The following CSMD1 variants were observed in gnomAD, a reference collection of about 807,000 sequenced individuals.
CSMD1 encodes the protein CUB and Sushi multiple domains 1.
In CSMD1, 213 loss-of-function variants were observed where a neutral mutation model predicts 417.5. That is an observed-to-expected ratio of 0.51 (90% CI 0.46 to 0.57). The LOEUF is 0.57. CSMD1 is among the 20% of genes least tolerant of loss of function. CSMD1 has a pLI of 0.00. For synonymous variants in CSMD1, 2,862 were observed against 1,736.8 expected (o/e 1.65, Z -16.11); for missense variants, 6,923 against 4,529.7 (o/e 1.53, Z -15.17).
intron 1 of CSMD1, among the ~76,000 whole-genome samples, chr8:4,815,527 C>G: frequency 6.6e-6 from 1 of 151,504 alleles, no homozygotes; most frequent in East Asian, 2.0e-4. Flanking sequence ...GAAACCCCAT[C>G]TCTACTGAAA....
chr8:3,951,299 C>T (rs571283011), intron 5 of CSMD1, among the ~76,000 whole-genome samples: 1 of 152,302 alleles, frequency 6.6e-6, no homozygotes, highest in East Asian at 1.9e-4. Context: ...TTTGTGTCTT[C>T]CATGGCACCT....
intron 9 of CSMD1, among the ~76,000 whole-genome samples, chr8:3,576,568 T>G (rs1364979728): frequency 1.3e-5 from 2 of 152,218 alleles, no homozygotes; most frequent in African/African-American, 4.8e-5. Flanking sequence ...CATTGATAAG[T>G]GTGTTAAAAT....
chr8:3,143,831 T>C (rs749986711), intron 40 of CSMD1, among the ~76,000 whole-genome samples: 7 of 152,148 alleles, frequency 4.6e-5, no homozygotes, highest in Non-Finnish European at 8.8e-5. Context: ...TCCTACTTCA[T>C]TGGAAGTGCA....
At chr8:3,896,618 TCTC>T (rs1225014826) in intron 5 of CSMD1, among the ~76,000 whole-genome samples, 7 of 151,918 alleles carry the variant, frequency 4.6e-5, no homozygotes, top group Non-Finnish European at 1.0e-4. Flanking sequence ...TTCACGCCAT[TCTC>T]CTGCCTCAGC....
In CSMD1 at chr8:4,913,735, A is replaced by G. The variant is rs77747248; in HGVS notation, c.85+80597T>C. Among the ~76,000 whole-genome samples the G allele has an allele frequency of 2.0e-3, 306 of 152,316 alleles. 9 individuals carry two copies. In the East Asian group the frequency reaches 0.025, roughly 13 times the overall value. On this transcript the variant is annotated intron_variant, in intron 1 of 69. Transcript: ENST00000635120. Reference sequence around the variant, plus strand: ...TAGGAAGAACCATTGACAAATCTGCAAGCGAGGGAGTTGTCCATGTGTTAC... The same window carrying G: ...TAGGAAGAACCATTGACAAATCTGCGAGCGAGGGAGTTGTCCATGTGTTAC...
intron 1 of CSMD1, among the ~76,000 whole-genome samples, chr8:4,947,151 AT>A (rs1808423412): frequency 6.6e-6 from 1 of 152,204 alleles, no homozygotes; most frequent in African/African-American, 2.4e-5. Context: ...TTTAACACAA[AT>A]TCACAACAAA....
intron 5 of CSMD1, among the ~76,000 whole-genome samples, chr8:3,923,623 G>A (rs964938586): frequency 3.3e-5 from 5 of 152,186 alleles, no homozygotes; most frequent in African/African-American, 9.6e-5. Flanking sequence ...TTGTGGTTCA[G>A]TAATTTTAAC....
At chr8:4,291,527 T>G (rs1009745685) in intron 3 of CSMD1, among the ~76,000 whole-genome samples, 1 of 152,184 alleles carries the variant, frequency 6.6e-6, no homozygotes, top group Non-Finnish European at 1.5e-5. Context: ...GAAAGTACAT[T>G]TTGATTTACA....
At chr8:2,952,935 A>C (rs1283031695) in intron 65 of CSMD1, among the ~76,000 whole-genome samples, 1 of 152,218 alleles carries the variant, frequency 6.6e-6, no homozygotes, top group Non-Finnish European at 1.5e-5. Flanking sequence ...AGTACAATGC[A>C]GCAGCCACAT....
At chr8:3,968,728 A>G (rs1323416213) in intron 5 of CSMD1, among the ~76,000 whole-genome samples, 1 of 152,176 alleles carries the variant, frequency 6.6e-6, no homozygotes, top group Non-Finnish European at 1.5e-5. Flanking sequence ...CTAATGTGTA[A>G]ATAGCATTTA....
intron 7 of CSMD1, among the ~76,000 whole-genome samples, chr8:3,621,285 T>C (rs539145251): frequency 2.0e-5 from 3 of 152,004 alleles, no homozygotes; most frequent in African/African-American, 4.8e-5. Context: ...GCAGGAGGCG[T>C]TGAATAGTAA....
chr8:2,968,236 G>C (rs1804141999), intron 57 of CSMD1, among the ~76,000 whole-genome samples: 2 of 152,226 alleles, frequency 1.3e-5, no homozygotes, highest in South Asian at 4.1e-4. Flanking sequence ...CTGTGCAACA[G>C]GTACTGTGTG....
Position 3,142,503 on chromosome 8 carries a change from T to A in CSMD1, c.6203A>T (p.His2068Leu), listed in dbSNP as rs779429099. ...HETLIHFYSD[H>L]SQNRQGFKLA... ...TTTAAATCCTTGCCGGTTTTGCGAA[T>A]GGTCACTATAAAAGTGGATGAGGGT... Residue 2068 changes from histidine to leucine, a missense_variant, in exon 41 of 70, where the codon CAT becomes CTT. Transcript: ENST00000635120. 6.2e-7 allele frequency: 1 copy of A among 1,614,008 alleles called. No individual in the cohort carries two copies.
chr8:4,200,636 T>C (rs548109506), intron 3 of CSMD1, among the ~76,000 whole-genome samples: 1 of 152,230 alleles, frequency 6.6e-6, no homozygotes, highest in Admixed American at 6.5e-5. Flanking sequence ...TGGGAGGATT[T>C]CTTGAGACTA....
intron 3 of CSMD1, among the ~76,000 whole-genome samples, chr8:4,238,432 T>C (rs1386242079): frequency 1.3e-5 from 2 of 152,136 alleles, no homozygotes; most frequent in Admixed American, 6.5e-5. Context: ...CACAAATCAA[T>C]ACTGTGATTC....
chr8:4,512,041 A>G (rs923123767), intron 2 of CSMD1, among the ~76,000 whole-genome samples: 3 of 152,214 alleles, frequency 2.0e-5, no homozygotes, highest in Non-Finnish European at 4.4e-5. Flanking sequence ...AAAATCCTCA[A>G]CAAAATATTA....
At chr8:4,647,688 G>C (rs1273458531) in intron 1 of CSMD1, among the ~76,000 whole-genome samples, 2 of 151,980 alleles carry the variant, frequency 1.3e-5, no homozygotes, top group Admixed American at 6.6e-5. Flanking sequence ...TTCTTGTGTT[G>C]GTTTGCTGAG....
At chr8:4,905,325 T>C (rs1469653343) in intron 1 of CSMD1, among the ~76,000 whole-genome samples, 1 of 152,134 alleles carries the variant, frequency 6.6e-6, no homozygotes, top group Non-Finnish European at 1.5e-5. Context: ...TGTCAAGTAA[T>C]ATCATAAAGG....
rs545656519 is a variant in CSMD1 at position 3,621,644 on chromosome 8, G to C, written c.1010-4847C>G. ...ATCTTGTTCTGTTGCCCAGGCTGCAGTGCAGTGGCATAATCATGGCTCACT... is the reference window on the plus strand; with the variant it reads ...ATCTTGTTCTGTTGCCCAGGCTGCACTGCAGTGGCATAATCATGGCTCACT... On this transcript the variant is annotated intron_variant, in intron 7 of 69. Transcript: ENST00000635120. Among the ~76,000 whole-genome samples the C allele has an allele frequency of 3.9e-5, 6 of 151,944 alleles. No individual in the cohort carries two copies. The South Asian group carries it at 6.2e-4, about 16-fold the overall frequency.
Sources: allele counts gnomAD v4.1 joint callset (sites outside exome capture counted in the v4.1 genomes callset), GRCh38; gene constraint gnomAD v4.1.1; transcripts MANE v1.5; gene names NCBI Gene and HGNC (gene_info 2026-07-23, HGNC 2026-07-21).